The following SBF1 variants were observed in gnomAD, a reference collection of about 807,000 sequenced individuals.
SBF1 encodes the protein SET binding factor 1.
In SBF1, 65 loss-of-function variants were observed where a neutral mutation model predicts 215.8. The ratio of observed to expected loss-of-function variants is 0.30; its 90% CI spans 0.25 to 0.37. The LOEUF is 0.37. SBF1 is among the 10% of genes least tolerant of loss of function. The pLI, the probability that SBF1 is intolerant of heterozygous loss-of-function variation, is 1.00. For synonymous variants in SBF1, 1,410 were observed against 1,122.8 expected, an observed-to-expected ratio of 1.26 and a Z score of -5.11; for missense variants, 2,634 against 2,667.8, an observed-to-expected ratio of 0.99 and a Z score of 0.28.
In SBF1 at chr22:50,463,361, C is replaced by T; in HGVS notation, c.1821G>A (p.Leu607=). The change falls in exon 16 of 41, where the codon CTG becomes CTA. Residue 607 remains leucine, a synonymous_variant. Transcript: ENST00000380817. ...GGACCGCACGGTTCTGCTGCACATG[C>T]AGGTGCAGCTCCTGGGCGAGGCAGC... ...ARRCLAQELH[L]HVQQNRAVLD... is the part of the protein sequence containing the mutation. 1 of 1,609,984 alleles carries T rather than the reference C, an allele frequency of 6.2e-7. No individual in the cohort carries two copies. The highest frequency in any genetic ancestry group is 8.5e-7 in the Non-Finnish European group (1 of 1,178,122).
chr22:50,468,349 C>A (rs2067867026), intron 2 of SBF1, 27 bp downstream of exon 2: 1 of 1,605,884 alleles, frequency 6.2e-7, no homozygotes, highest in African/African-American at 1.3e-5. Context: ...CACCTGCCAG[C>A]ACCGTCTCAG....
In SBF1 at chr22:50,447,168, T is replaced by G; in HGVS notation, c.5656A>C (p.Ile1886Leu). Residue 1886 changes from isoleucine to leucine, a missense_variant, in exon 41 of 41, where the codon ATC (isoleucine) becomes CTC (leucine). Ile to Leu is a conservative substitution (Grantham distance 5). Transcript: ENST00000380817. ...VPSAQQWVDR[I>L]QSCLSDA Reference sequence around the variant, plus strand: ...CAGGCGTCCGACAGGCAGCTCTGGATCCGGTCCACCCACTGCTGGGCCGAG... The same window carrying G: ...CAGGCGTCCGACAGGCAGCTCTGGAGCCGGTCCACCCACTGCTGGGCCGAG... The G allele has an allele frequency of 6.2e-7, 1 of 1,613,000 alleles. No individual in the cohort carries two copies. Among genetic ancestry groups the G allele is most frequent in the Non-Finnish European group, 8.5e-7 (1 of 1,179,876 alleles).
intron 23 of SBF1, 108 bp downstream of exon 23, chr22:50,461,051 G>A (rs2067486780): frequency 1.4e-6 from 2 of 1,384,104 alleles, no homozygotes; most frequent in South Asian, 1.5e-5. Context: ...CGTAACAACA[G>A]GGCCACTGCT....
chr22:50,457,482 A>C (rs2148577215), intron 28 of SBF1: 1 of 227,456 alleles, frequency 4.4e-6, no homozygotes, highest in East Asian at 8.6e-5. Flanking sequence ...TGATGGGCAC[A>C]GCTCAGAACG....
chr22:50,464,770 C>A (rs1039492401), intron 13 of SBF1, 32 bp from the exon 14 acceptor site: 1 of 1,609,768 alleles, frequency 6.2e-7, no homozygotes, highest in African/African-American at 1.3e-5. Context: ...GGGGCAGGGG[C>A]CCAGGGATCA....
rs182855637 is a variant in SBF1, at chr22:50,447,099, C to G, written c.*43G>C. 2 of 1,555,584 alleles carry G rather than the reference C, an allele frequency of 1.3e-6. No individual in the cohort carries two copies. Among genetic ancestry groups the G allele is most frequent in the Admixed American group, 3.6e-5 (2 of 55,762 alleles). ...GGCGGCCCTGCCCACCCCTAGTGGT[C>G]GGTAACGACCGGAAGCAGAGCAGCC... On this transcript the variant is annotated 3_prime_UTR_variant, in exon 41 of 41. Coordinates refer to ENST00000380817, the MANE Select transcript of SBF1 (RefSeq NM_002972.4).
intron 12 of SBF1, 38 bp downstream of exon 12, chr22:50,464,963 C>G: frequency 6.2e-7 from 1 of 1,613,804 alleles, no homozygotes. Context: ...TCAGGCGGAG[C>G]CAGGGCAGGG....
rs368521040 is a variant in SBF1 at position 50,465,821 on chromosome 22, T to C, written c.1031A>G (p.Glu344Gly). 47 of 1,612,340 alleles carry C rather than the reference T, an allele frequency of 2.9e-5. No individual in the cohort carries two copies. Among genetic ancestry groups the C allele is most frequent in the Non-Finnish European group, 4.0e-5 (47 of 1,179,662 alleles). Residue 344 changes from glutamate (E) to glycine (G), a missense_variant, in exon 10 of 41, where the codon GAG (glutamate) becomes GGG (glycine). Physicochemically the swap from Glu to Gly is moderately conservative, Grantham distance 98. Coordinates refer to ENST00000380817, the MANE Select transcript of SBF1 (RefSeq NM_002972.4). ...VLSMVLDPEL[E>G]LADLAFPPPT... ...CGGAGGGAAGGCGAGGTCAGCCAAC[T>C]CCAGCTCCGGGTCCAGGACCTGCCA...
At position 50,467,247 on chromosome 22, in the gene SBF1, G is replaced by C. The variant is rs576194984; in HGVS notation, c.549+91C>G. On this transcript the variant is annotated intron_variant, in intron 5 of 40. Coordinates refer to ENST00000380817, the MANE Select transcript of SBF1 (RefSeq NM_002972.4). ...GAGGGAGCATCCAAGGCCTCCAGCT[G>C]TGTGTGGCTCTGGCTGGGCTCCAAA... 7.6e-6 allele frequency: 8 copies of C among 1,054,038 alleles called. No individual in the cohort carries two copies. In the Admixed American group the frequency reaches 1.5e-4, roughly 20 times the overall value. The allele number at this position is 1,054,038 out of a possible 1,614,324, so 65.3% of individuals were successfully genotyped here. A position where few individuals can be genotyped will look rare whatever the true frequency, so the allele number is the denominator to read the frequency against.
intron 4 of SBF1, 26 bp from the exon 5 acceptor site, chr22:50,467,474 T>A: frequency 3.7e-6 from 6 of 1,613,900 alleles, no homozygotes; most frequent in Non-Finnish European, 4.2e-6. Flanking sequence ...CGGGGAGTGG[T>A]GGGACAGCCG....
At chr22:50,469,215 G>A (rs2067906371) in intron 1 of SBF1, among the ~76,000 whole-genome samples, 2 of 152,170 alleles carry the variant, frequency 1.3e-5, no homozygotes, top group Admixed American at 1.3e-4. Context: ...GTGGGACGGT[G>A]GTCACACCCA....
rs755946822 is a variant in SBF1 at position 50,451,480 on chromosome 22, C to CAG, written c.5044-2832_5044-2831dup. ...AAGATAAAGACTGAGAAAAAACAAACAGAGCTTCAGCAACGTATGGGACAA... is the reference window on the plus strand; with the variant it reads ...AAGATAAAGACTGAGAAAAAACAAACAGAGAGCTTCAGCAACGTATGGGACAA... On this transcript the variant is annotated intron_variant, in intron 36 of 40. Transcript: ENST00000380817. 9.2e-5 allele frequency among the ~76,000 whole-genome samples: 14 copies of CAG among 152,238 alleles called. No individual in the cohort carries two copies. The East Asian group carries it at 2.7e-3, about 29-fold the overall frequency.
intron 37 of SBF1, 42 bp from the exon 38 acceptor site, chr22:50,448,486 C>T (rs1299953780): frequency 6.2e-7 from 1 of 1,608,460 alleles, no homozygotes; most frequent in South Asian, 1.1e-5. Flanking sequence ...GCTGGACAGA[C>T]TCCACTTTCT....
Position 50,468,035 on chromosome 22 carries a change from G to A in SBF1, c.142-112C>T, listed in dbSNP as rs141791402. ...CTGGAGGCTCCAACACACACAGGCAGCTCCTTGCTTGGAGACCCTGGGGAC... is the reference window on the plus strand; with the variant it reads ...CTGGAGGCTCCAACACACACAGGCAACTCCTTGCTTGGAGACCCTGGGGAC... On this transcript the variant is annotated intron_variant, in intron 2 of 40. Transcript: ENST00000380817. 18,096 of 1,363,186 alleles carry A rather than the reference G, an allele frequency of 0.013. 370 individuals carry two copies. Among genetic ancestry groups the A allele is most frequent in the East Asian group, 0.1 (4,219 of 41,902 alleles). The allele number at this position is 1,363,186 out of a possible 1,614,324, so 84.4% of individuals were successfully genotyped here.
At chr22:50,460,803 G>A in intron 23 of SBF1, 91 bp from the exon 24 acceptor site, 7 of 1,382,558 alleles carry the variant, frequency 5.1e-6, no homozygotes, top group Non-Finnish European at 7.0e-6. Context: ...TCCCCTCGCA[G>A]CCATGACAGA....
At chr22:50,448,777 G>C (rs773586428) in intron 36 of SBF1, 127 bp from the exon 37 acceptor site, 17 of 680,130 alleles carry the variant, frequency 2.5e-5, no homozygotes, top group East Asian at 1.6e-4. Flanking sequence ...CTGGCCACAG[G>C]GGGAGGTGGC....
chr22:50,469,144 C>A (rs2067903241), intron 1 of SBF1, among the ~76,000 whole-genome samples: 2 of 152,288 alleles, frequency 1.3e-5, no homozygotes, highest in South Asian at 4.1e-4. Context: ...TCCAGGACGA[C>A]CACCGAAGGA....
At position 50,446,730 on chromosome 22, in the gene SBF1, G is replaced by A. The variant is rs1329234017; in HGVS notation, c.*412C>T. 2 of 461,446 alleles carry A rather than the reference G, an allele frequency of 4.3e-6. No individual in the cohort carries two copies. Among genetic ancestry groups the A allele is most frequent in the African/African-American group, 3.9e-5 (2 of 50,792 alleles). 28.6% of individuals were successfully genotyped at this position (461,446 alleles called of 1,614,324 possible). On this transcript the variant is annotated 3_prime_UTR_variant, in exon 41 of 41. Coordinates refer to ENST00000380817, the MANE Select transcript of SBF1 (RefSeq NM_002972.4). ...TGCCAACCTCCCGCCAGGTGGGCCT[G>A]GATAGGGGCAGATGGGACCCTCTGG...
chr22:50,458,565 G>C (rs181680815), intron 28 of SBF1, among the ~76,000 whole-genome samples: 1 of 152,232 alleles, frequency 6.6e-6, no homozygotes, highest in Non-Finnish European at 1.5e-5. Context: ...ATTGTAAAAT[G>C]TAAGTATATA....
Sources: allele counts gnomAD v4.1 joint callset (sites outside exome capture counted in the v4.1 genomes callset), GRCh38; gene constraint gnomAD v4.1.1; transcripts MANE v1.5; gene names NCBI Gene and HGNC (gene_info 2026-07-23, HGNC 2026-07-21).